The following GADD45A variants were observed in gnomAD, a reference collection of about 807,000 sequenced individuals.
GADD45A encodes the protein growth arrest and DNA damage-inducible protein GADD45 alpha.
In GADD45A, 9 loss-of-function variants were observed where a neutral mutation model predicts 17.7. That is an observed-to-expected ratio of 0.51 (90% CI 0.31 to 0.89). The LOEUF is 0.89. GADD45A is among the 40% of genes least tolerant of loss of function. The pLI is 0.05. For missense variants in GADD45A, 149 were observed against 220.6 expected, an observed-to-expected ratio of 0.68 and a Z score of 2.06; for synonymous variants, 95 against 92.2, an observed-to-expected ratio of 1.03 and a Z score of -0.17.
Position 67,686,562 on chromosome 1 carries a change from C to A in GADD45A, c.359C>A (p.Pro120Gln), listed in dbSNP as rs763468417. 3.1e-6 allele frequency: 5 copies of A among 1,611,414 alleles called. No homozygotes were observed. In the East Asian group the frequency reaches 8.9e-5, roughly 29 times the overall value. The change falls in exon 3 of 4, where the codon CCG becomes CAG. Residue 120 changes from proline (P) to glutamine (Q), a missense_variant. Physicochemically the swap from Pro to Gln is moderately conservative, Grantham distance 76 (BLOSUM62 -1). Transcript: ENST00000370986. Reference protein sequence around the residue: ...PAASEGAEQPPDLHCVLVTNP... With the variant: ...PAASEGAEQPQDLHCVLVTNP... ...GCGAGCGAGGGCGCCGAGCAGCCCC[C>A]GGACCTGCACTGCGTGCTGGTGACG... is the stretch of plus-strand genomic sequence containing the variant.
intron 1 of GADD45A, 74 bp from the exon 2 acceptor site, chr1:67,685,951 A>C (rs1207384258): frequency 2.1e-6 from 2 of 943,208 alleles, no homozygotes; most frequent in South Asian, 1.5e-5. Context: ...GGGGCGTGGT[A>C]CCGGACGAGG....
At chr1:67,686,246 G>A in intron 2 of GADD45A, 104 bp from the exon 3 acceptor site, 1 of 1,376,420 alleles carries the variant, frequency 7.3e-7, no homozygotes, top group Admixed American at 2.3e-5. Flanking sequence ...TGCCTGTCTC[G>A]GAAGGGAGGG....
intron 1 of GADD45A, chr1:67,685,800 C>A: frequency 1.7e-6 from 1 of 595,014 alleles, no homozygotes; most frequent in South Asian, 2.0e-5. Context: ...TGGCTGGCAG[C>A]CTGTGGCAGG....
rs1179918479 is a variant in GADD45A at position 67,688,101 on chromosome 1, T to A, written c.*327T>A. 9.5e-6 allele frequency: 2 copies of A among 210,244 alleles called. No individual in the cohort carries two copies. Among genetic ancestry groups the A allele is most frequent in the African/African-American group, 4.6e-5 (2 of 43,546 alleles). 13.0% of individuals were successfully genotyped at this position (210,244 alleles called of 1,614,324 possible). A position where few individuals can be genotyped will look rare whatever the true frequency, so the allele number is the denominator to read the frequency against. On this transcript the variant is annotated 3_prime_UTR_variant, in exon 4 of 4. Transcript: ENST00000370986. ...AAAATAAACCAAATATGTTAAAGTT[T>A]AAGTGTGCAGCCATAGTTTGGGTAT...
Position 67,686,375 on chromosome 1 carries a change from C to T in GADD45A, c.172C>T (p.Leu58=), listed in dbSNP as rs763010472. 1 of 1,613,462 alleles carries T rather than the reference C, an allele frequency of 6.2e-7. No homozygotes were observed. Among genetic ancestry groups the T allele is most frequent in the Non-Finnish European group, 8.5e-7 (1 of 1,179,764 alleles). ...CGACCCCGATAACGTGGTGTTGTGC[C>T]TGCTGGCGGCGGACGAGGACGACGA... ...NVDPDNVVLC[L]LAADEDDDRD... Residue 58 remains leucine, a synonymous_variant, in exon 3 of 4, where the codon CTG becomes TTG. Coordinates refer to ENST00000370986, the MANE Select transcript of GADD45A (RefSeq NM_001924.4).
At position 67,685,420 on chromosome 1, in the gene GADD45A, G is replaced by A; in HGVS notation, c.-75G>A. 1.4e-6 allele frequency: 2 copies of A among 1,457,892 alleles called. No homozygotes were observed. The highest frequency in any genetic ancestry group is 1.9e-6 in the Non-Finnish European group (2 of 1,061,846). 90.3% of individuals were successfully genotyped at this position (1,457,892 alleles called of 1,614,324 possible). ...CGCCTGTGAGTGAGTGCAGAAAGCAGGCGCCCGCGCGCTAGCCGTGGCAGG... is the reference window on the plus strand; with the variant it reads ...CGCCTGTGAGTGAGTGCAGAAAGCAAGCGCCCGCGCGCTAGCCGTGGCAGG... On this transcript the variant is annotated 5_prime_UTR_variant, in exon 1 of 4. Coordinates refer to ENST00000370986, the MANE Select transcript of GADD45A (RefSeq NM_001924.4).
At chr1:67,685,649 C>T (rs1646127865) in intron 1 of GADD45A, 111 bp downstream of exon 1, 1 of 1,046,058 alleles carries the variant, frequency 9.6e-7, no homozygotes, top group Non-Finnish European at 1.4e-6. Flanking sequence ...AAAGTTTGCA[C>T]AGGGCAACTC....
chr1:67,687,635 G>A (rs745670454), intron 3 of GADD45A, 26 bp from the exon 4 acceptor site: 2 of 1,354,790 alleles, frequency 1.5e-6, no homozygotes, highest in South Asian at 1.2e-5. Context: ...TTTAAAATAA[G>A]TTTATTTTTA....
In GADD45A at chr1:67,687,833, T is replaced by C; in HGVS notation, c.*59T>C. The C allele has an allele frequency of 9.0e-7, 1 of 1,108,506 alleles. No homozygotes were observed. The highest frequency in any genetic ancestry group is 1.4e-6 in the Non-Finnish European group (1 of 720,686). The allele number at this position is 1,108,506 out of a possible 1,614,324, so 68.7% of individuals were successfully genotyped here. A position where few individuals can be genotyped will look rare whatever the true frequency, so the allele number is the denominator to read the frequency against. On this transcript the variant is annotated 3_prime_UTR_variant, in exon 4 of 4. Transcript: ENST00000370986. ...CACTGAAGTTTTTGAAATACCTTTGTAGTTACTCAAGCAGTTACTCCCTAC... is the reference window on the plus strand; with the variant it reads ...CACTGAAGTTTTTGAAATACCTTTGCAGTTACTCAAGCAGTTACTCCCTAC...
intron 3 of GADD45A, among the ~76,000 whole-genome samples, chr1:67,687,171 C>T (rs1033613341): frequency 2.0e-5 from 3 of 150,692 alleles, no homozygotes; most frequent in Admixed American, 1.3e-4. Flanking sequence ...AAATTTTGCT[C>T]TTTTTTGACT....
chr1:67,685,806 G>A, intron 1 of GADD45A: 1 of 594,946 alleles, frequency 1.7e-6, no homozygotes. Context: ...GCAGCCTGTG[G>A]CAGGGGCACT....
At position 67,685,217 on chromosome 1, in the gene GADD45A, T is replaced by A; in HGVS notation, c.-278T>A. 1 of 463,394 alleles carries A rather than the reference T, an allele frequency of 2.2e-6. No homozygotes were observed. The highest frequency in any genetic ancestry group is 3.8e-6 in the Non-Finnish European group (1 of 262,688). 28.7% of individuals were successfully genotyped at this position (463,394 alleles called of 1,614,324 possible). A position where few individuals can be genotyped will look rare whatever the true frequency, so the allele number is the denominator to read the frequency against. On this transcript the variant is annotated 5_prime_UTR_variant, in exon 1 of 4. Coordinates refer to ENST00000370986, the MANE Select transcript of GADD45A (RefSeq NM_001924.4). ...TTGTCCTCCAGTGGCTGGTAGGCAG[T>A]GGCTGGGAGGCAGCGGCCCAATTAG...
chr1:67,685,596 C>G lies in GADD45A; in HGVS notation c.44+58C>G, dbSNP rs1465128872. On this transcript the variant is annotated intron_variant, in intron 1 of 3. Transcript: ENST00000370986. ...CTTCTCTTACCTACCCCGCGCTCCCCGGTGCAGCCGGGCTGTGGAAGGCTT... is the reference window on the plus strand; with the variant it reads ...CTTCTCTTACCTACCCCGCGCTCCCGGGTGCAGCCGGGCTGTGGAAGGCTT... 15 of 1,534,298 alleles carry G rather than the reference C, an allele frequency of 9.8e-6. No individual in the cohort carries two copies. In the African/African-American group the frequency reaches 1.1e-4, roughly 11 times the overall value.
At chr1:67,686,696 C>T (rs1646136704) in intron 3 of GADD45A, 109 bp downstream of exon 3, 3 of 886,772 alleles carry the variant, frequency 3.4e-6, no homozygotes, top group Non-Finnish European at 3.4e-6. Context: ...AGGAGGGTGG[C>T]TGCCTTTGTC....
At position 67,687,744 on chromosome 1, in the gene GADD45A, G is replaced by A; in HGVS notation, c.468G>A (p.Trp156Ter). The change falls in exon 4 of 4, where the codon TGG (tryptophan) becomes TGA (stop). Residue 156 changes from tryptophan to a stop codon, truncating the protein, a stop_gained. Transcript: ENST00000370986. LOFTEE classifies it high-confidence loss of function. Reference protein sequence around the residue: ...FCRESRYMDQWVPVINLPER With the variant: ...FCRESRYMDQ ...GGGAAAGTCGCTACATGGATCAATG[G>A]GTTCCAGTGATTAATCTCCCTGAAC... is the stretch of plus-strand genomic sequence containing the variant. 1 of 1,611,262 alleles carries A rather than the reference G, an allele frequency of 6.2e-7. No homozygotes were observed. The highest frequency in any genetic ancestry group is 8.5e-7 in the Non-Finnish European group (1 of 1,178,332).
chr1:67,686,175 C>G, intron 2 of GADD45A, 49 bp downstream of exon 2: 1 of 1,498,478 alleles, frequency 6.7e-7, no homozygotes, highest in Non-Finnish European at 9.2e-7. Context: ...CCCGCCCCAG[C>G]CCGGGAGGTC....
chr1:67,687,043 A>AT lies in GADD45A; in HGVS notation c.384+464dup, dbSNP rs563017528. Among the ~76,000 whole-genome samples, 426 of 151,268 alleles carry AT rather than the reference A, an allele frequency of 2.8e-3. 5 individuals carry two copies. Among genetic ancestry groups the AT allele is most frequent in the African/African-American group, 9.7e-3 (402 of 41,238 alleles). On this transcript the variant is annotated intron_variant, in intron 3 of 3. Coordinates refer to ENST00000370986, the MANE Select transcript of GADD45A (RefSeq NM_001924.4). ...AAATACATTAAGAGGATAGAGTGGA[A>AT]TTTTTTTTCTCTGCAATCTTGCATT...
intron 1 of GADD45A, 125 bp downstream of exon 1, chr1:67,685,663 C>T (rs1012782443): frequency 2.2e-6 from 2 of 909,382 alleles, no homozygotes; most frequent in Non-Finnish European, 3.5e-6. Context: ...GCAACTCCCG[C>T]CCTTGCTCCC....
In GADD45A at chr1:67,686,335, G is replaced by A. The variant is rs1350522180; in HGVS notation, c.147-15G>A. 2.5e-6 allele frequency: 4 copies of A among 1,607,434 alleles called. No homozygotes were observed. The African/African-American group carries it at 5.3e-5, about 21-fold the overall frequency. On this transcript the variant is annotated splice_polypyrimidine_tract_variant and intron_variant, in intron 2 of 3. Transcript: ENST00000370986. ...CCGCGCTTCTGCGCTCACTGGCCCC[G>A]CCCGCTGCCCCCAGCGACCCCGATA...
Sources: gnomAD v4.1 joint callset for allele counts (sites outside exome capture counted in the v4.1 genomes callset) on GRCh38, gnomAD v4.1.1 for gene constraint, MANE v1.5 for transcripts, NCBI Gene and HGNC (gene_info 2026-07-23, HGNC 2026-07-21) for gene names.